The following ABCC9 variants were observed in gnomAD, a reference collection of about 807,000 sequenced individuals.
The protein encoded by ABCC9 is ATP-binding cassette sub-family C member 9.
A neutral mutation model predicts 188.3 loss-of-function variants in ABCC9; 95 were observed. The observed-to-expected ratio is 0.50, with a 90% CI of 0.43 to 0.60. The LOEUF is 0.60. Among genes scored for constraint, ABCC9 ranks in the 20% least tolerant of loss-of-function variants. The pLI, the probability that ABCC9 is intolerant of heterozygous loss-of-function variation, is 0.00. For synonymous variants in ABCC9, 659 were observed against 652.7 expected, an observed-to-expected ratio of 1.01 and a Z score of -0.15; for missense variants, 1,102 against 1,876.3, an observed-to-expected ratio of 0.59 and a Z score of 7.62.
intron 31 of ABCC9, among the ~76,000 whole-genome samples, chr12:21,823,841 A>G (rs938358648): frequency 7.9e-5 from 12 of 152,254 alleles, no homozygotes; most frequent in Non-Finnish European, 1.8e-4. Flanking sequence ...TGGCACCCAG[A>G]GGAAAAACAG....
At chr12:21,863,081 A>C (rs554741558) in intron 19 of ABCC9, 27 bp from the exon 20 acceptor site, 30 of 1,250,002 alleles carry the variant, frequency 2.4e-5, no homozygotes, top group Admixed American at 5.3e-5. Context: ...AAAAAAAAAA[A>C]CACCAGGATT....
chr12:21,849,463 C>G (rs932507439), intron 24 of ABCC9, among the ~76,000 whole-genome samples: 1 of 151,932 alleles, frequency 6.6e-6, no homozygotes, highest in East Asian at 1.9e-4. Flanking sequence ...CTAAATTAAA[C>G]TCAAAATTAA....
intron 8 of ABCC9, 98 bp from the exon 9 acceptor site, chr12:21,911,076 C>A: frequency 8.6e-7 from 1 of 1,163,684 alleles, no homozygotes; most frequent in Admixed American, 2.1e-5. Flanking sequence ...TATTTAAATA[C>A]AAAAATTCAA....
intron 24 of ABCC9, 86 bp downstream of exon 24, chr12:21,852,011 A>AT (rs1944993734): frequency 1.3e-6 from 2 of 1,508,840 alleles, no homozygotes; most frequent in African/African-American, 1.4e-5. Context: ...TTAAATGGTA[A>AT]TTTTTTAAAA....
chr12:21,867,960 T>C lies in ABCC9; in HGVS notation c.2199-3483A>G, dbSNP rs970233703. Among the ~76,000 whole-genome samples the C allele has an allele frequency of 3.9e-5, 6 of 152,282 alleles. No homozygotes were observed. In the East Asian group the frequency reaches 1.2e-3, roughly 29 times the overall value. ...CATTTTAGTTCTAGCTCCTAAGATA[T>C]CAGTAGAAATTATTGTTTATCATGA... On this transcript the variant is annotated intron_variant, in intron 18 of 39. Coordinates refer to ENST00000261200, the MANE Select transcript of ABCC9 (RefSeq NM_020297.4).
intron 6 of ABCC9, 103 bp downstream of exon 6, chr12:21,916,834 C>A (rs1182277331): frequency 5.1e-6 from 5 of 988,536 alleles, no homozygotes; most frequent in Non-Finnish European, 7.3e-6. Flanking sequence ...AAATCAAATA[C>A]ATGTGTTCAT....
At chr12:21,904,967 G>C (rs1042088419) in intron 12 of ABCC9, among the ~76,000 whole-genome samples, 2 of 152,182 alleles carry the variant, frequency 1.3e-5, no homozygotes, top group African/African-American at 4.8e-5. Context: ...CTGCTATAAA[G>C]ACACATTCAC....
rs772284924 is a variant in ABCC9, at chr12:21,908,107, T to C, written c.1425A>G (p.Thr475=). 8.1e-6 allele frequency: 13 copies of C among 1,612,548 alleles called. No homozygotes were observed. The highest frequency in any genetic ancestry group is 1.1e-5 in the Non-Finnish European group (13 of 1,178,964). ...LLAPIQYFIA[T]KLAEAQKSTL... The stretch of plus-strand genomic sequence containing the variant: ...TACTTTTCTGAGCCTCTGCCAACTT[T>C]GTAGCAATAAAGTACTGAATTGGCG... The change falls in exon 11 of 40, where the codon ACA becomes ACG. Residue 475 remains threonine, a synonymous_variant. Coordinates refer to ENST00000261200, the MANE Select transcript of ABCC9 (RefSeq NM_020297.4).
chr12:21,922,826 C>G (rs1161761845), intron 5 of ABCC9: 1 of 143,630 alleles, frequency 7.0e-6, no homozygotes, highest in African/African-American at 2.6e-5. Context: ...ACTAGAATAG[C>G]CAAAGCAAAC....
chr12:21,924,367 T>C (rs1948967243), intron 5 of ABCC9: 1 of 152,132 alleles, frequency 6.6e-6, no homozygotes, highest in African/African-American at 2.4e-5. Flanking sequence ...AGAAAAAATG[T>C]AATTTGAAGA....
At chr12:21,936,718 G>A (rs1343037222) in intron 2 of ABCC9, 24 bp from the exon 3 acceptor site, 3 of 1,538,154 alleles carry the variant, frequency 2.0e-6, no homozygotes, top group Non-Finnish European at 2.7e-6. Context: ...AAATGAGAAA[G>A]AAAAATCCTC....
Position 21,815,887 on chromosome 12 carries a change from G to A in ABCC9, c.3899C>T (p.Ser1300Phe). 3 of 1,612,958 alleles carry A rather than the reference G, an allele frequency of 1.9e-6. No homozygotes were observed. The highest frequency in any genetic ancestry group is 1.7e-6 in the Non-Finnish European group (2 of 1,179,410). The change falls in exon 34 of 40, where the codon TCT becomes TTT. Residue 1300 changes from serine (S) to phenylalanine (F), a missense_variant. Physicochemically the swap from Ser to Phe is radical, Grantham distance 155. Coordinates refer to ENST00000261200, the MANE Select transcript of ABCC9 (RefSeq NM_020297.4). ...TTGTGGCCAATGTTCTGGAACTTGA[G>A]AAGGATCTGGAGGATGGGATGGGGA... ...SENYEGTMDP[S>F]QVPEHWPQEG...
chr12:21,805,206 G>A, intron 39 of ABCC9: 1 of 1,613,994 alleles, frequency 6.2e-7, no homozygotes, highest in South Asian at 1.1e-5. Context: ...GTGGAAAAGA[G>A]GCCATTCTTG....
Position 21,829,140 on chromosome 12 carries a change from T to C in ABCC9, c.3567-80A>G, listed in dbSNP as rs1943565618. 16 of 857,368 alleles carry C rather than the reference T, an allele frequency of 1.9e-5. No homozygotes were observed. The South Asian group carries it at 1.9e-4, about 10-fold the overall frequency. The allele number at this position is 857,368 out of a possible 1,614,324, so 53.1% of individuals were successfully genotyped here. On this transcript the variant is annotated intron_variant, in intron 30 of 39. Coordinates refer to ENST00000261200, the MANE Select transcript of ABCC9 (RefSeq NM_020297.4). ...CAGTCACACTTATTACTACACTATT[T>C]ACTCAACACAGTGACAAACTGATGG...
chr12:21,925,422 A>T (rs1388170016), intron 5 of ABCC9: 2 of 686,622 alleles, frequency 2.9e-6, no homozygotes, highest in African/African-American at 3.5e-5. Context: ...TCAGGACAGC[A>T]TACTTTTCAT....
intron 30 of ABCC9, 25 bp from the exon 31 acceptor site, chr12:21,829,085 T>A: frequency 6.5e-7 from 1 of 1,535,364 alleles, no homozygotes; most frequent in Non-Finnish European, 9.0e-7. Flanking sequence ...AACACGATGT[T>A]AACCACACAA....
intron 11 of ABCC9, among the ~76,000 whole-genome samples, chr12:21,907,152 T>C (rs1487000163): frequency 1.3e-5 from 2 of 152,056 alleles, no homozygotes; most frequent in African/African-American, 4.8e-5. Context: ...TGAATGAATA[T>C]GGTATGAATA....
At chr12:21,919,570 A>G (rs1293351821) in intron 5 of ABCC9, among the ~76,000 whole-genome samples, 2 of 152,030 alleles carry the variant, frequency 1.3e-5, no homozygotes, top group African/African-American at 4.8e-5. Flanking sequence ...AAATTTTACT[A>G]GATATAAAAA....
chr12:21,860,451 A>G (rs528170264), intron 21 of ABCC9, among the ~76,000 whole-genome samples: 2 of 152,340 alleles, frequency 1.3e-5, no homozygotes, highest in East Asian at 3.9e-4. Context: ...TAGATAATGC[A>G]TATAAAGTTT....
Sources: allele counts gnomAD v4.1 joint callset (sites outside exome capture counted in the v4.1 genomes callset), GRCh38; gene constraint gnomAD v4.1.1; transcripts MANE v1.5; gene names NCBI Gene and HGNC (gene_info 2026-07-23, HGNC 2026-07-21).